KAT6A: variants seen among roughly 807,000 people sequenced by gnomAD.
KAT6A encodes histone acetyltransferase KAT6A.
A neutral mutation model predicts 198.4 loss-of-function variants in KAT6A; 9 were observed. The ratio of observed to expected loss-of-function variants is 0.05; its 90% CI spans 0.03 to 0.08. KAT6A has a LOEUF of 0.08. Ranked by LOEUF, KAT6A falls within the 10% of genes least tolerant of loss-of-function variation. The pLI is 1.00. For missense variants in KAT6A, 2,077 were observed against 2,509.9 expected (o/e 0.83, Z 3.69); for synonymous variants, 890 against 883.0 (o/e 1.01, Z -0.14).
intron 8 of KAT6A, among the ~76,000 whole-genome samples, chr8:41,967,036 C>G (rs989957905): frequency 6.6e-6 from 1 of 152,114 alleles, no homozygotes; most frequent in Non-Finnish European, 1.5e-5. Flanking sequence ...AATGATTTAA[C>G]TCTTCACGCA....
chr8:42,015,251 T>C (rs1297360138), intron 2 of KAT6A, among the ~76,000 whole-genome samples: 2 of 152,166 alleles, frequency 1.3e-5, no homozygotes, highest in Non-Finnish European at 2.9e-5. Context: ...TATGCTACAG[T>C]AAGCAGAGTT....
Position 42,048,839 on chromosome 8 carries a change from C to T in KAT6A, c.139G>A (p.Val47Ile), listed in dbSNP as rs768747380. The change falls in exon 2 of 17, where the codon GTT becomes ATT. Residue 47 changes from valine (V) to isoleucine (I), a missense_variant. Coordinates refer to ENST00000265713, the MANE Select transcript of KAT6A (RefSeq NM_006766.5). ...ACACTCAACTCCAATTGTTCTAAAA[C>T]AGTTTTACGATCCAAGCCATGGGAT... ...SSSHGLDRKTVLEQLELSVKD... is the reference protein window; with the variant it reads ...SSSHGLDRKTILEQLELSVKD... 5 of 1,614,012 alleles carry T rather than the reference C, an allele frequency of 3.1e-6. No individual in the cohort carries two copies. Among genetic ancestry groups the T allele is most frequent in the Non-Finnish European group, 4.2e-6 (5 of 1,180,036 alleles).
At position 41,934,566 on chromosome 8, in the gene KAT6A, G is replaced by A. The variant is rs776649857; in HGVS notation, c.3654C>T (p.Pro1218=). 6.2e-7 allele frequency: 1 copy of A among 1,613,886 alleles called. No individual in the cohort carries two copies. The highest frequency in any genetic ancestry group is 1.1e-5 in the South Asian group (1 of 91,064). The change falls in exon 17 of 17, where the codon CCC becomes CCT. Residue 1218 remains proline (P), a synonymous_variant. Transcript: ENST00000265713. ...EETVEPKEDM[P]LPEERKEEEE... The stretch of plus-strand genomic sequence containing the variant: ...CCTCCTCCTTCCTCTCCTCGGGTAG[G>A]GGCATGTCTTCTTTTGGCTCAACAG...
intron 2 of KAT6A, among the ~76,000 whole-genome samples, chr8:41,997,455 T>C (rs972736029): frequency 6.6e-6 from 1 of 152,238 alleles, no homozygotes; most frequent in East Asian, 1.9e-4. Context: ...ATTTGGCTAC[T>C]GAATTTAAAT....
intron 2 of KAT6A, among the ~76,000 whole-genome samples, chr8:42,003,522 T>C (rs1825600309): frequency 1.3e-5 from 2 of 152,102 alleles, no homozygotes; most frequent in African/African-American, 4.8e-5. Flanking sequence ...GTTACTTCAA[T>C]TTTCCATTTT....
At chr8:42,010,968 T>C (rs1311675807) in intron 2 of KAT6A, among the ~76,000 whole-genome samples, 1 of 152,246 alleles carries the variant, frequency 6.6e-6, no homozygotes, top group East Asian at 1.9e-4. Context: ...CAGGAAACAA[T>C]GTAATCAATT....
chr8:41,937,379 TTTCATCCTC>T lies in KAT6A; in HGVS notation c.3220_3228del (p.Glu1074_Glu1076del). ...AAGTATTCTCTAGGGAAAAGTTCAT[TTTCATCCTC>T]TTCCTCCTCTTCTTCATCGATCTCA... On this transcript the variant is annotated inframe_deletion, in exon 16 of 17. Transcript: ENST00000265713. 1 of 1,614,110 alleles carries T rather than the reference TTTCATCCTC, an allele frequency of 6.2e-7. No individual in the cohort carries two copies. Among genetic ancestry groups the T allele is most frequent in the South Asian group, 1.1e-5 (1 of 91,068 alleles).
At chr8:42,036,902 C>A (rs1471491568) in intron 2 of KAT6A, among the ~76,000 whole-genome samples, 6 of 152,124 alleles carry the variant, frequency 3.9e-5, no homozygotes, top group Admixed American at 3.9e-4. Context: ...TGTCCTGGGT[C>A]CAAAGTGTGT....
chr8:42,042,010 TAATTGA>T (rs1381507030), intron 2 of KAT6A, among the ~76,000 whole-genome samples: 1 of 152,118 alleles, frequency 6.6e-6, no homozygotes, highest in Non-Finnish European at 1.5e-5. Context: ...CGCAACAGAG[TAATTGA>T]AATTGAAATT....
chr8:41,957,804 C>A (rs150368114), intron 8 of KAT6A: 1 of 152,830 alleles, frequency 6.5e-6, no homozygotes, highest in African/African-American at 2.4e-5. Flanking sequence ...TATTACTCTT[C>A]TACAAAAACT....
chr8:41,991,765 T>C (rs894543502), intron 2 of KAT6A, among the ~76,000 whole-genome samples: 2 of 151,946 alleles, frequency 1.3e-5, no homozygotes, highest in Non-Finnish European at 2.9e-5. Context: ...ATACAGGTGA[T>C]AACTGACAGC....
chr8:42,028,009 T>C (rs1231507454), intron 2 of KAT6A, among the ~76,000 whole-genome samples: 2 of 152,170 alleles, frequency 1.3e-5, no homozygotes, highest in South Asian at 4.1e-4. Context: ...ATTGACCCAG[T>C]GATTGTTCGG....
chr8:42,041,158 G>A (rs572274108), intron 2 of KAT6A, among the ~76,000 whole-genome samples: 1 of 138,882 alleles, frequency 7.2e-6, no homozygotes, highest in South Asian at 2.3e-4. Context: ...TTGCGCCACT[G>A]CACTCCAGTC....
intron 7 of KAT6A, among the ~76,000 whole-genome samples, chr8:41,975,425 T>A (rs1587769039): frequency 1.3e-5 from 2 of 152,322 alleles, no homozygotes; most frequent in East Asian, 3.9e-4. Flanking sequence ...TTGGGACTTA[T>A]GAAGATCATT....
chr8:42,023,650 G>C (rs1449190939), intron 2 of KAT6A, among the ~76,000 whole-genome samples: 3 of 151,860 alleles, frequency 2.0e-5, no homozygotes, highest in African/African-American at 7.3e-5. Context: ...ACCATGTCCA[G>C]CTAATTTTTG....
intron 13 of KAT6A, 60 bp from the exon 14 acceptor site, chr8:41,943,060 T>C: frequency 6.2e-7 from 1 of 1,600,440 alleles, no homozygotes; most frequent in South Asian, 1.1e-5. Context: ...TAAAAATGAA[T>C]GTGGAGATGA....
chr8:41,990,092 A>T (rs1824855542), intron 2 of KAT6A, among the ~76,000 whole-genome samples: 1 of 151,924 alleles, frequency 6.6e-6, no homozygotes, highest in Non-Finnish European at 1.5e-5. Flanking sequence ...GCCTAGGAAG[A>T]AGGTAGAAGC....
At chr8:42,017,321 A>G (rs1826322787) in intron 2 of KAT6A, among the ~76,000 whole-genome samples, 1 of 152,212 alleles carries the variant, frequency 6.6e-6, no homozygotes, top group South Asian at 2.1e-4. Context: ...ACTGAAAAAT[A>G]AACAAAAAAG....
chr8:41,935,624 G>A (rs1411824171), intron 16 of KAT6A, among the ~76,000 whole-genome samples: 1 of 152,074 alleles, frequency 6.6e-6, no homozygotes, highest in Non-Finnish European at 1.5e-5. Context: ...TAAGTGTTAA[G>A]TTCAGTGGCA....
Sources: gnomAD v4.1 joint callset for allele counts (sites outside exome capture counted in the v4.1 genomes callset) on GRCh38, gnomAD v4.1.1 for gene constraint, MANE v1.5 for transcripts, NCBI Gene and HGNC (gene_info 2026-07-23, HGNC 2026-07-21) for gene names.